Variants in SKP2 observed in about 807,000 individuals in gnomAD.
SKP2 encodes the protein S-phase kinase-associated protein 2.
In SKP2, 16 loss-of-function variants were observed where a neutral mutation model predicts 51.8. That is an observed-to-expected ratio of 0.31 (90% confidence interval 0.21 to 0.47). The LOEUF is 0.47. Among genes scored for constraint, SKP2 ranks in the 20% least tolerant of loss-of-function variants. The pLI, the probability that SKP2 is intolerant of heterozygous loss-of-function variation, is 1.00. For synonymous variants in SKP2, 176 were observed against 198.6 expected (o/e 0.89, Z 0.96); for missense variants, 377 against 505.3 (o/e 0.75, Z 2.43).
chr5:36,153,620 C>A (rs774165726), intron 2 of SKP2, among the ~76,000 whole-genome samples: 1 of 152,176 alleles, frequency 6.6e-6, no homozygotes, highest in Non-Finnish European at 1.5e-5. Context: ...CGCCCCCCAA[C>A]ATCCAGTCAT....
intron 4 of SKP2, among the ~76,000 whole-genome samples, chr5:36,167,981 C>T (rs868523504): frequency 1.3e-5 from 2 of 152,124 alleles, no homozygotes; most frequent in Admixed American, 6.5e-5. Flanking sequence ...CACCCACTCA[C>T]CCCTGCCAGA....
At chr5:36,171,798 TCTC>T in intron 7 of SKP2, 65 bp downstream of exon 7, 2 of 1,503,498 alleles carry the variant, frequency 1.3e-6, no homozygotes, top group Non-Finnish European at 1.8e-6. Flanking sequence ...TCATTGAGCT[TCTC>T]CTAATCATTC....
intron 7 of SKP2, among the ~76,000 whole-genome samples, chr5:36,176,343 T>C (rs1745631696): frequency 6.6e-6 from 1 of 151,802 alleles, no homozygotes; most frequent in African/African-American, 2.4e-5. Flanking sequence ...TAAAATTTTA[T>C]GTAGTAAATT....
At chr5:36,187,533 G>A (rs978058221), downstream of SKP2, among the ~76,000 whole-genome samples, 1 of 152,180 alleles carries the variant, frequency 6.6e-6, no homozygotes, top group African/African-American at 2.4e-5. Flanking sequence ...TTTCCATGTA[G>A]TTGAGCAGTT....
In SKP2 at chr5:36,182,689, GCAGA is replaced by G. The variant is rs1252431627; in HGVS notation, c.*662_*665del. On this transcript the variant is annotated 3_prime_UTR_variant, in exon 10 of 10. Transcript: ENST00000274255. The stretch of plus-strand genomic sequence containing the variant: ...AATCAATATAGGATTTGAAGGCCCA[GCAGA>G]CAGTTTTCTATGACAGGTTAATCTG... The G allele has an allele frequency of 2.0e-6, 2 of 978,524 alleles. No homozygotes were observed. The highest frequency in any genetic ancestry group is 1.8e-5 in the African/African-American group (1 of 57,098). The allele number at this position is 978,524 out of a possible 1,614,324, so 60.6% of individuals were successfully genotyped here.
intron 7 of SKP2, among the ~76,000 whole-genome samples, chr5:36,175,815 G>GT (rs1339884333): frequency 1.3e-5 from 2 of 151,918 alleles, no homozygotes; most frequent in Non-Finnish European, 2.9e-5. Flanking sequence ...AATGGATGAG[G>GT]TTAACATATT....
chr5:36,165,525 T>TCAATAC (rs1745255813), intron 3 of SKP2, among the ~76,000 whole-genome samples: 1 of 152,194 alleles, frequency 6.6e-6, no homozygotes, highest in Non-Finnish European at 1.5e-5. Context: ...TGATCTGGTG[T>TCAATAC]CAATACCAAT....
chr5:36,163,614 G>A, intron 2 of SKP2, 31 bp from the exon 3 acceptor site: 1 of 1,344,836 alleles, frequency 7.4e-7, no homozygotes, highest in South Asian at 1.2e-5. Context: ...TGAAAGAATG[G>A]TGATGGCAAA....
At chr5:36,153,488 A>T (rs1346107787) in intron 2 of SKP2, among the ~76,000 whole-genome samples, 1 of 152,052 alleles carries the variant, frequency 6.6e-6, no homozygotes, top group Non-Finnish European at 1.5e-5. Flanking sequence ...TGGGGGAGAC[A>T]TCTCCCCAGG....
intron 2 of SKP2, among the ~76,000 whole-genome samples, chr5:36,156,839 TCCTG>T (rs1292520023): frequency 6.6e-6 from 1 of 152,064 alleles, no homozygotes; most frequent in Non-Finnish European, 1.5e-5. Flanking sequence ...AGTGTAAAAT[TCCTG>T]AGATTCTGAT....
downstream of SKP2, among the ~76,000 whole-genome samples, chr5:36,186,070 A>G (rs1329850382): frequency 1.3e-5 from 2 of 152,314 alleles, no homozygotes; most frequent in African/African-American, 2.4e-5. Flanking sequence ...TTATTGGTGT[A>G]TAAGAATGCT....
chr5:36,187,175 C>CA (rs891270844), downstream of SKP2, among the ~76,000 whole-genome samples: 1 of 151,876 alleles, frequency 6.6e-6, no homozygotes, highest in Admixed American at 6.6e-5. Context: ...TTGATCTTTT[C>CA]AAAAAAACCA....
Position 36,176,947 on chromosome 5 carries a change from T to G in SKP2, c.902-18T>G, listed in dbSNP as rs1486409831. On this transcript the variant is annotated intron_variant, in intron 7 of 9. Coordinates refer to ENST00000274255, the MANE Select transcript of SKP2 (RefSeq NM_005983.4). ...TCCTCATTTAATAGTGACCATCATG[T>G]TTTTTTGCTTTTCCTAGATCTCTCT... 6.5e-7 allele frequency: 1 copy of G among 1,539,196 alleles called. No individual in the cohort carries two copies. The highest frequency in any genetic ancestry group is 8.9e-7 in the Non-Finnish European group (1 of 1,121,086).
chr5:36,152,679 T>G, intron 1 of SKP2, 92 bp from the exon 2 acceptor site: 1 of 1,366,850 alleles, frequency 7.3e-7, no homozygotes, highest in Non-Finnish European at 1.0e-6. Flanking sequence ...GAAGGTTTCC[T>G]ACAATGCATA....
chr5:36,184,107 G>C lies in SKP2; in HGVS notation c.*2076G>C. The stretch of plus-strand genomic sequence containing the variant: ...TGTGGTTAAAATTTGAAAGCATTTA[G>C]TGTGGTATGCCATTTGGCTTAGATA... On this transcript the variant is annotated 3_prime_UTR_variant, in exon 10 of 10. Coordinates refer to ENST00000274255, the MANE Select transcript of SKP2 (RefSeq NM_005983.4). The C allele has an allele frequency of 4.4e-6, 3 of 689,542 alleles. No homozygotes were observed. Among genetic ancestry groups the C allele is most frequent in the Non-Finnish European group, 7.2e-6 (3 of 415,092 alleles). 42.7% of individuals were successfully genotyped at this position (689,542 alleles called of 1,614,324 possible). A position where few individuals can be genotyped will look rare whatever the true frequency, so the allele number is the denominator to read the frequency against.
intron 7 of SKP2, among the ~76,000 whole-genome samples, chr5:36,173,335 G>A (rs1443632636): frequency 1.3e-5 from 2 of 152,118 alleles, no homozygotes; most frequent in African/African-American, 4.8e-5. Flanking sequence ...GAATTGCTGG[G>A]TCCAGCATTA....
chr5:36,178,007 A>G (rs991868363), intron 9 of SKP2, among the ~76,000 whole-genome samples: 3 of 152,158 alleles, frequency 2.0e-5, no homozygotes, highest in African/African-American at 4.8e-5. Context: ...AGAAAGCAGC[A>G]GCCTGGTCCA....
Position 36,177,261 on chromosome 5 carries a change from C to T in SKP2, c.1030C>T (p.Arg344Trp). Residue 344 changes from arginine to tryptophan, a missense_variant, in exon 9 of 10, where the codon CGG becomes TGG. Transcript: ENST00000274255. ...LNYLQHLSLS[R>W]CYDIIPETLL... ...CTACCTCCAACACCTATCACTCAGTCGGTGCTATGATATAATACCTGAAAC... is the reference window on the plus strand; with the variant it reads ...CTACCTCCAACACCTATCACTCAGTTGGTGCTATGATATAATACCTGAAAC... The T allele has an allele frequency of 6.2e-7, 1 of 1,609,832 alleles. No individual in the cohort carries two copies. The highest frequency in any genetic ancestry group is 8.5e-7 in the Non-Finnish European group (1 of 1,176,520).
downstream of SKP2, among the ~76,000 whole-genome samples, chr5:36,188,850 G>A (rs539126770): frequency 3.4e-4 from 51 of 152,220 alleles, 1 homozygote; most frequent in South Asian, 8.5e-3. Context: ...CATTCTCCCC[G>A]TCACTTTCAG....
Sources: gnomAD v4.1 joint callset for allele counts (sites outside exome capture counted in the v4.1 genomes callset) on GRCh38, gnomAD v4.1.1 for gene constraint, MANE v1.5 for transcripts, NCBI Gene and HGNC (gene_info 2026-07-23, HGNC 2026-07-21) for gene names.